Variants in GLIS3 observed in about 807,000 individuals in gnomAD.
GLIS3 encodes zinc finger protein GLIS3.
Under a neutral mutation model 78.6 loss-of-function variants are expected in GLIS3, and 53 were observed. That is an observed-to-expected ratio of 0.67 (90% CI 0.54 to 0.85). The LOEUF is 0.85. Ranked by LOEUF, GLIS3 falls within the 40% of genes least tolerant of loss-of-function variation. The pLI, the probability that GLIS3 is intolerant of heterozygous loss-of-function variation, is 0.00. For synonymous variants in GLIS3, 684 were observed against 509.9 expected (o/e 1.34, Z -4.60); for missense variants, 1,703 against 1,231.1 (o/e 1.38, Z -5.74).
At chr9:4,368,407 CA>C in the GLIS3 span, among the ~76,000 whole-genome samples, 1 of 150,834 alleles carries the variant, frequency 6.6e-6, no homozygotes, top group Non-Finnish European at 1.5e-5. Flanking sequence ...TGTAGTGGCA[CA>C]ATCTCTGCTC....
At chr9:4,472,435 G>T in the GLIS3 span, among the ~76,000 whole-genome samples, 1 of 152,178 alleles carries the variant, frequency 6.6e-6, no homozygotes, top group Non-Finnish European at 1.5e-5. Context: ...CCATAAAAAA[G>T]GATGAATTCA....
the GLIS3 span, among the ~76,000 whole-genome samples, chr9:4,455,591 T>C: frequency 3.8e-4 from 58 of 152,272 alleles, no homozygotes; most frequent in Non-Finnish European, 7.6e-4. Flanking sequence ...AAACTTAACA[T>C]TGTAGGATTT....
intron 4 of GLIS3, among the ~76,000 whole-genome samples, chr9:4,036,602 CAG>C (rs1588505320): frequency 6.6e-6 from 1 of 152,120 alleles, no homozygotes; most frequent in African/African-American, 2.4e-5. Flanking sequence ...AGAGGAAAAA[CAG>C]AGAGGCTACT....
intron 2 of GLIS3, among the ~76,000 whole-genome samples, chr9:4,329,141 A>G (rs911334352): frequency 1.3e-5 from 2 of 152,138 alleles, no homozygotes; most frequent in Non-Finnish European, 2.9e-5. Context: ...GCTGTGTGAG[A>G]TCGAAGAATT....
chr9:3,841,011 A>G (rs984486602), intron 9 of GLIS3, among the ~76,000 whole-genome samples: 3 of 152,174 alleles, frequency 2.0e-5, no homozygotes, highest in African/African-American at 7.2e-5. Context: ...AGGTTCAAAC[A>G]AGGGGATGGG....
At chr9:3,932,580 T>C in intron 5 of GLIS3, 110 bp from the exon 6 acceptor site, 1 of 790,000 alleles carries the variant, frequency 1.3e-6, no homozygotes, top group Non-Finnish European at 2.2e-6. Flanking sequence ...ACCAATTGAC[T>C]GATGTGAAAT....
At chr9:4,346,436 G>T (rs901112483) in intron 2 of GLIS3, among the ~76,000 whole-genome samples, 1 of 152,148 alleles carries the variant, frequency 6.6e-6, no homozygotes, top group African/African-American at 2.4e-5. Context: ...AAAGGATGAA[G>T]AGCCATATGG....
intron 5 of GLIS3, among the ~76,000 whole-genome samples, chr9:3,936,522 C>G (rs1563868826): frequency 1.3e-5 from 2 of 152,014 alleles, no homozygotes; most frequent in East Asian, 3.9e-4. Context: ...GGTGAAAATA[C>G]CAGGTGGTTT....
chr9:4,473,891 T>G, the GLIS3 span, among the ~76,000 whole-genome samples: 1 of 152,140 alleles, frequency 6.6e-6, no homozygotes, highest in Admixed American at 6.5e-5. Flanking sequence ...AAGACCTGTA[T>G]GTAGAAAACT....
chr9:4,160,687 C>A (rs1835405289), intron 2 of GLIS3, among the ~76,000 whole-genome samples: 1 of 152,190 alleles, frequency 6.6e-6, no homozygotes, highest in African/African-American at 2.4e-5. Flanking sequence ...ATTACAATTT[C>A]AATATTTATC....
At chr9:4,397,626 G>T in the GLIS3 span, among the ~76,000 whole-genome samples, 2 of 135,176 alleles carry the variant, frequency 1.5e-5, no homozygotes, top group Non-Finnish European at 3.1e-5. Flanking sequence ...AATAAAAGAA[G>T]AAAGGAAGGA....
intron 2 of GLIS3, among the ~76,000 whole-genome samples, chr9:4,255,314 C>G (rs189585519): frequency 2.0e-5 from 3 of 152,250 alleles, no homozygotes; most frequent in African/African-American, 7.2e-5. Context: ...GGTTTCCTGC[C>G]AAACTAAATA....
At chr9:4,390,371 C>CTT in the GLIS3 span, among the ~76,000 whole-genome samples, 1 of 145,132 alleles carries the variant, frequency 6.9e-6, no homozygotes, top group Non-Finnish European at 1.5e-5. Context: ...TGATAAAAGT[C>CTT]TTTTTTTTTT....
chr9:4,168,811 A>G (rs1816111741), intron 2 of GLIS3, among the ~76,000 whole-genome samples: 1 of 152,214 alleles, frequency 6.6e-6, no homozygotes, highest in Non-Finnish European at 1.5e-5. Context: ...AAATTAAACA[A>G]CAGACTCCAC....
intron 2 of GLIS3, among the ~76,000 whole-genome samples, chr9:4,267,188 C>A (rs905621262): frequency 1.3e-5 from 2 of 152,152 alleles, no homozygotes; most frequent in African/African-American, 4.8e-5. Flanking sequence ...GTTTCCTAAA[C>A]CGTCACATCT....
chr9:4,164,455 G>C (rs1835728984), intron 2 of GLIS3, among the ~76,000 whole-genome samples: 1 of 152,202 alleles, frequency 6.6e-6, no homozygotes, highest in Non-Finnish European at 1.5e-5. Context: ...TCATGTTAAA[G>C]AGGGTCCATC....
chr9:3,999,346 C>G (rs1212246684), intron 4 of GLIS3, among the ~76,000 whole-genome samples: 1 of 152,112 alleles, frequency 6.6e-6, no homozygotes, highest in East Asian at 1.9e-4. Flanking sequence ...AATTTCCCTC[C>G]ATGGAAGTTT....
At chr9:4,018,769 C>A (rs1434196630) in intron 4 of GLIS3, among the ~76,000 whole-genome samples, 1 of 152,180 alleles carries the variant, frequency 6.6e-6, no homozygotes, top group Non-Finnish European at 1.5e-5. Flanking sequence ...CCCAGTGATT[C>A]TGATCCATGC....
At chr9:3,945,565 C>T (rs1816236289) in intron 4 of GLIS3, among the ~76,000 whole-genome samples, 1 of 152,126 alleles carries the variant, frequency 6.6e-6, no homozygotes, top group Admixed American at 6.5e-5. Context: ...TGGAATCTGA[C>T]CCTGCTTGCT....
Sources: allele counts gnomAD v4.1 joint callset (sites outside exome capture counted in the v4.1 genomes callset), GRCh38; gene constraint gnomAD v4.1.1; transcripts MANE v1.5; gene names NCBI Gene and HGNC (gene_info 2026-07-23, HGNC 2026-07-21).